Variants in SLC24A2 observed in about 807,000 individuals in gnomAD.
SLC24A2 encodes the protein sodium/potassium/calcium exchanger 2.
In SLC24A2, 36 loss-of-function variants were observed where a neutral mutation model predicts 62.0. That is an observed-to-expected ratio of 0.58 (90% confidence interval 0.44 to 0.77). The LOEUF is 0.77. Ranked by LOEUF, SLC24A2 falls within the 30% of genes least tolerant of loss-of-function variation. SLC24A2 has a pLI of 0.00. For missense variants in SLC24A2, 846 were observed against 817.9 expected (o/e 1.03, Z -0.42); for synonymous variants, 358 against 294.0 (o/e 1.22, Z -2.23).
the SLC24A2 span, among the ~76,000 whole-genome samples, chr9:20,121,051 A>G: frequency 1.3e-5 from 2 of 149,494 alleles, no homozygotes; most frequent in Admixed American, 6.7e-5. Context: ...ATTAGGTACT[A>G]TGGCTCCTCC....
the SLC24A2 span, among the ~76,000 whole-genome samples, chr9:20,111,315 G>A: frequency 6.6e-6 from 1 of 152,116 alleles, no homozygotes; most frequent in African/African-American, 2.4e-5. Flanking sequence ...GAATGCCCAG[G>A]CTTTGCTGTC....
chr9:20,259,378 C>T, the SLC24A2 span, among the ~76,000 whole-genome samples: 3 of 152,064 alleles, frequency 2.0e-5, no homozygotes, highest in Non-Finnish European at 4.4e-5. Flanking sequence ...TCACATCACC[C>T]CAGCCCTAGA....
At chr9:19,732,076 T>C (rs993977913) in intron 2 of SLC24A2, among the ~76,000 whole-genome samples, 4 of 150,708 alleles carry the variant, frequency 2.7e-5, no homozygotes, top group African/African-American at 9.8e-5. Flanking sequence ...TTTTTATGGA[T>C]GTCCAATATA....
At chr9:19,746,593 T>C (rs1821839526) in intron 2 of SLC24A2, among the ~76,000 whole-genome samples, 1 of 152,150 alleles carries the variant, frequency 6.6e-6, no homozygotes, top group Middle Eastern at 3.2e-3. Context: ...AATGGGAAGC[T>C]TTTAATTATT....
At chr9:20,232,504 T>C in the SLC24A2 span, among the ~76,000 whole-genome samples, 1 of 152,216 alleles carries the variant, frequency 6.6e-6, no homozygotes, top group Non-Finnish European at 1.5e-5. Context: ...TTCTTCTAGA[T>C]TTTGTAGTTT....
At chr9:20,075,703 G>A in the SLC24A2 span, among the ~76,000 whole-genome samples, 4 of 152,238 alleles carry the variant, frequency 2.6e-5, no homozygotes, top group Middle Eastern at 3.4e-3. Context: ...CAATCAGGGG[G>A]GGATACACTT....
the SLC24A2 span, among the ~76,000 whole-genome samples, chr9:19,944,613 T>A: frequency 6.6e-6 from 1 of 152,166 alleles, no homozygotes; most frequent in Non-Finnish European, 1.5e-5. Flanking sequence ...TAAACGCCAT[T>A]TTCCACCAGT....
chr9:20,067,245 T>C, the SLC24A2 span, among the ~76,000 whole-genome samples: 2 of 152,216 alleles, frequency 1.3e-5, no homozygotes, highest in Non-Finnish European at 2.9e-5. Context: ...TATTACATGA[T>C]ATTTTAAACA....
chr9:19,753,223 C>T (rs1822037717), intron 2 of SLC24A2, among the ~76,000 whole-genome samples: 1 of 152,202 alleles, frequency 6.6e-6, no homozygotes, highest in Admixed American at 6.5e-5. Flanking sequence ...GCAGCAGAAT[C>T]ATTTCTCATC....
At chr9:19,954,599 T>A in the SLC24A2 span, among the ~76,000 whole-genome samples, 1 of 152,046 alleles carries the variant, frequency 6.6e-6, no homozygotes, top group Non-Finnish European at 1.5e-5. Context: ...TTTTTTTTTT[T>A]AAATCTAGAG....
intron 2 of SLC24A2, among the ~76,000 whole-genome samples, chr9:19,687,019 A>G (rs1307679646): frequency 6.6e-6 from 1 of 152,168 alleles, no homozygotes; most frequent in Non-Finnish European, 1.5e-5. Context: ...ATCCTATGTG[A>G]ACACGGGAAC....
chr9:19,752,828 T>G (rs1822025670), intron 2 of SLC24A2, among the ~76,000 whole-genome samples: 1 of 152,094 alleles, frequency 6.6e-6, no homozygotes, highest in Admixed American at 6.6e-5. Context: ...ACAGAGAAAT[T>G]GAGTGACTTC....
At chr9:20,151,704 A>C in the SLC24A2 span, among the ~76,000 whole-genome samples, 20 of 151,828 alleles carry the variant, frequency 1.3e-4, no homozygotes, top group African/African-American at 4.8e-4. Context: ...GGGGAATGTC[A>C]CCAGTCTCTG....
chr9:19,668,121 G>C (rs1320999015), intron 2 of SLC24A2, among the ~76,000 whole-genome samples: 2 of 152,112 alleles, frequency 1.3e-5, no homozygotes, highest in Non-Finnish European at 1.5e-5. Context: ...GGACACACCA[G>C]ATACCCAACA....
chr9:19,828,025 T>A, the SLC24A2 span, among the ~76,000 whole-genome samples: 1 of 152,204 alleles, frequency 6.6e-6, no homozygotes, highest in Non-Finnish European at 1.5e-5. Context: ...GGATTAATTT[T>A]TAACAACCCA....
intron 6 of SLC24A2, among the ~76,000 whole-genome samples, chr9:19,574,684 A>C (rs900192019): frequency 6.6e-6 from 1 of 152,202 alleles, no homozygotes; most frequent in African/African-American, 2.4e-5. Flanking sequence ...TCTTTATTAT[A>C]GTGCCTGCCT....
chr9:20,195,950 A>G, the SLC24A2 span, among the ~76,000 whole-genome samples: 4 of 152,170 alleles, frequency 2.6e-5, no homozygotes, highest in Admixed American at 2.0e-4. Context: ...AAAAATGGGC[A>G]AAAAACATGA....
At chr9:20,070,960 T>C in the SLC24A2 span, among the ~76,000 whole-genome samples, 1 of 152,012 alleles carries the variant, frequency 6.6e-6, no homozygotes, top group African/African-American at 2.4e-5. Context: ...ATAGAGGTGG[T>C]TTATTATAGT....
At chr9:19,909,545 T>A in the SLC24A2 span, among the ~76,000 whole-genome samples, 1 of 152,004 alleles carries the variant, frequency 6.6e-6, no homozygotes, top group East Asian at 1.9e-4. Flanking sequence ...GGTTTTGGGG[T>A]TTAAGGGACT....
Sources: allele counts gnomAD v4.1 joint callset (sites outside exome capture counted in the v4.1 genomes callset), GRCh38; gene constraint gnomAD v4.1.1; transcripts MANE v1.5; gene names NCBI Gene and HGNC (gene_info 2026-07-23, HGNC 2026-07-21).